The following IL18 variants were observed in gnomAD, a reference collection of about 807,000 sequenced individuals.
IL18 encodes the protein interleukin-18.
Under a neutral mutation model 14.2 loss-of-function variants are expected in IL18, and 8 were observed. The observed-to-expected ratio is 0.56, with a 90% CI of 0.33 to 1.01. The LOEUF is 1.01. IL18 is among the 50% of genes least tolerant of loss of function. The pLI, the probability that IL18 is intolerant of heterozygous loss-of-function variation, is 0.03. For synonymous variants in IL18, 67 were observed against 71.0 expected, an observed-to-expected ratio of 0.94 and a Z score of 0.28; for missense variants, 166 against 231.1, an observed-to-expected ratio of 0.72 and a Z score of 1.83.
At chr11:112,151,173 T>C (rs1287138009) in intron 3 of IL18, 1 of 152,124 alleles carries the variant, frequency 6.6e-6, no homozygotes, top group Non-Finnish European at 1.5e-5. Context: ...CATTCACCAA[T>C]TAAGAATTGA....
intron 5 of IL18, among the ~76,000 whole-genome samples, chr11:112,146,961 G>A (rs1354153850): frequency 1.4e-5 from 1 of 73,292 alleles, no homozygotes; most frequent in Non-Finnish European, 2.5e-5. Context: ...ACCGAGTTTT[G>A]CTCTTGTTGC....
At chr11:112,153,369 G>T in intron 3 of IL18, 1 of 399,792 alleles carries the variant, frequency 2.5e-6, no homozygotes. Context: ...AAGAGCTGGA[G>T]AATTTTTTAA....
intron 1 of IL18, among the ~76,000 whole-genome samples, chr11:112,161,356 C>T (rs1423925457): frequency 1.3e-5 from 2 of 152,192 alleles, no homozygotes; most frequent in African/African-American, 4.8e-5. Context: ...TACCAACCTG[C>T]AATTCTAGAC....
intron 5 of IL18, 130 bp from the exon 6 acceptor site, chr11:112,143,947 C>T: frequency 1.6e-6 from 1 of 623,582 alleles, no homozygotes. Flanking sequence ...TAAAAAAAAT[C>T]TCTGAACAGC....
chr11:112,162,885 T>C (rs914552112), intron 1 of IL18, among the ~76,000 whole-genome samples: 1 of 152,186 alleles, frequency 6.6e-6, no homozygotes, highest in Admixed American at 6.5e-5. Flanking sequence ...TTGGCTATCC[T>C]GGGCTCAAGC....
At chr11:112,144,712 G>A (rs556907139) in intron 5 of IL18, among the ~76,000 whole-genome samples, 6 of 152,356 alleles carry the variant, frequency 3.9e-5, no homozygotes, top group Admixed American at 2.6e-4. Flanking sequence ...TATTGGCTCA[G>A]TTGGCAGTCC....
Position 112,150,200 on chromosome 11 carries a change from A to G in IL18, c.98T>C (p.Leu33Pro). 6.5e-7 allele frequency: 1 copy of G among 1,548,008 alleles called. No individual in the cohort carries two copies. Among genetic ancestry groups the G allele is most frequent in the Non-Finnish European group, 8.9e-7 (1 of 1,125,398 alleles). Residue 33 changes from leucine to proline, a missense_variant, in exon 4 of 6, where the codon CTG (leucine) becomes CCG (proline). Leu to Pro is a moderately conservative substitution (Grantham distance 98, BLOSUM62 -3). Coordinates refer to ENST00000280357, the MANE Select transcript of IL18 (RefSeq NM_001562.4). ...AAGCTTGCCAAAGTAATCTGATTCC[A>G]GGTTTTCTACAATAAACATTAAATC... is the stretch of plus-strand genomic sequence containing the variant. ...LYFIAEDDEN[L>P]ESDYFGKLES...
At chr11:112,143,955 A>G in intron 5 of IL18, 138 bp from the exon 6 acceptor site, 1 of 611,610 alleles carries the variant, frequency 1.6e-6, no homozygotes, top group Admixed American at 3.0e-5. Context: ...ATCTCTGAAC[A>G]GCAGTACTGA....
intron 5 of IL18, among the ~76,000 whole-genome samples, chr11:112,145,751 A>G (rs1392184641): frequency 6.6e-6 from 1 of 152,138 alleles, no homozygotes; most frequent in Admixed American, 6.6e-5. Context: ...AAAAAAAGAA[A>G]AAAAGAAAAA....
intron 5 of IL18, among the ~76,000 whole-genome samples, chr11:112,145,522 A>G (rs1013445908): frequency 3.9e-5 from 6 of 152,054 alleles, no homozygotes; most frequent in Admixed American, 1.3e-4. Context: ...GGCGGATCAC[A>G]AGTTCAGGAG....
intron 1 of IL18, among the ~76,000 whole-genome samples, chr11:112,155,889 C>T (rs1866522825): frequency 6.6e-6 from 1 of 152,108 alleles, no homozygotes. Flanking sequence ...GCATTCCTCC[C>T]ATGATTAGTT....
chr11:112,157,981 T>C (rs1421744150), intron 1 of IL18, among the ~76,000 whole-genome samples: 1 of 152,168 alleles, frequency 6.6e-6, no homozygotes, highest in Admixed American at 6.5e-5. Context: ...CTTAGCCTCC[T>C]GAGTAGCTGG....
At chr11:112,155,118 CT>C (rs1366734234) in intron 1 of IL18, 57 bp from the exon 2 acceptor site, 1 of 1,006,158 alleles carries the variant, frequency 9.9e-7, no homozygotes, top group African/African-American at 1.6e-5. Context: ...TTTACTACTA[CT>C]TTATACTACC....
At position 112,143,614 on chromosome 11, in the gene IL18, A is replaced by G; in HGVS notation, c.564T>C (p.Thr188=). Residue 188 remains threonine (T), a synonymous_variant, in exon 6 of 6, where the codon ACT becomes ACC. Transcript: ENST00000280357. ...DELGDRSIMF[T]VQNED ...TTAATAGCTAGTCTTCGTTTTGAACAGTGAACATTATAGATCTATCCCCCA... is the reference window on the plus strand; with the variant it reads ...TTAATAGCTAGTCTTCGTTTTGAACGGTGAACATTATAGATCTATCCCCCA... 1 of 1,610,718 alleles carries G rather than the reference A, an allele frequency of 6.2e-7. No individual in the cohort carries two copies. The highest frequency in any genetic ancestry group is 8.5e-7 in the Non-Finnish European group (1 of 1,177,698).
chr11:112,154,800 A>G (rs1341258132), intron 2 of IL18, among the ~76,000 whole-genome samples, 175 bp downstream of exon 2: 1 of 152,158 alleles, frequency 6.6e-6, no homozygotes, highest in African/African-American at 2.4e-5. Flanking sequence ...CAAGGTGCTG[A>G]GACCTTGGAC....
rs114480895 is a variant in IL18, at chr11:112,159,540, G to A, written c.-9+4366C>T. On this transcript the variant is annotated intron_variant, in intron 1 of 5. Coordinates refer to ENST00000280357, the MANE Select transcript of IL18 (RefSeq NM_001562.4). ...AACAGAAGAAGGAGGAACTGAGGAT[G>A]ACTTCGTAGTTTTTGGCTTGGGCAA... 4.0e-3 allele frequency among the ~76,000 whole-genome samples: 608 copies of A among 152,324 alleles called. 7 individuals carry two copies. Among genetic ancestry groups the A allele is most frequent in the African/African-American group, 0.014 (590 of 41,578 alleles).
intron 5 of IL18, among the ~76,000 whole-genome samples, chr11:112,145,725 C>A (rs188996204): frequency 2.0e-5 from 3 of 149,516 alleles, no homozygotes; most frequent in Non-Finnish European, 3.0e-5. Context: ...GGCGACAGAG[C>A]GAGACTCCGT....
At chr11:112,149,121 G>C (rs1592809495) in intron 4 of IL18, among the ~76,000 whole-genome samples, 1 of 151,930 alleles carries the variant, frequency 6.6e-6, no homozygotes, top group South Asian at 2.1e-4. Context: ...TGAAACCCCA[G>C]CTCTACTAAA....
At chr11:112,163,641 G>T (rs1289408892) in intron 1 of IL18, among the ~76,000 whole-genome samples, 1 of 151,926 alleles carries the variant, frequency 6.6e-6, no homozygotes, top group Non-Finnish European at 1.5e-5. Flanking sequence ...AATTAAAAAT[G>T]TTACTTATGC....
Sources: allele counts gnomAD v4.1 joint callset (sites outside exome capture counted in the v4.1 genomes callset), GRCh38; gene constraint gnomAD v4.1.1; transcripts MANE v1.5; gene names NCBI Gene and HGNC (gene_info 2026-07-23, HGNC 2026-07-21).